TENT2: variants seen among roughly 807,000 people sequenced by gnomAD.
TENT2 encodes the protein poly(A) RNA polymerase GLD2.
TENT2 carries 44 observed loss-of-function variants against 72.2 expected under a neutral mutation model. The ratio of observed to expected loss-of-function variants is 0.61; its 90% CI spans 0.48 to 0.78. The LOEUF (loss-of-function observed/expected upper bound fraction) is 0.78, where lower values mean the gene tolerates loss of function less well. Ranked by LOEUF, TENT2 falls within the 30% of genes least tolerant of loss-of-function variation. The pLI, the probability that TENT2 is intolerant of heterozygous loss-of-function variation, is 0.00. For missense variants in TENT2, 541 were observed against 569.6 expected (o/e 0.95, Z 0.51); for synonymous variants, 212 against 192.5 (o/e 1.10, Z -0.84).
intron 12 of TENT2, among the ~76,000 whole-genome samples, chr5:79,673,338 T>C (rs1448562352): frequency 1.3e-5 from 2 of 152,176 alleles, no homozygotes; most frequent in Admixed American, 1.3e-4. Flanking sequence ...TGCCTGTGCT[T>C]GTGGAGTATT....
At chr5:79,625,892 C>T (rs1189321892) in intron 4 of TENT2, among the ~76,000 whole-genome samples, 6 of 149,748 alleles carry the variant, frequency 4.0e-5, no homozygotes, top group East Asian at 2.0e-4. Flanking sequence ...TGCAGTGGTG[C>T]GATCTCGGCT....
chr5:79,676,254 A>G (rs1817230417), intron 12 of TENT2, among the ~76,000 whole-genome samples: 1 of 151,740 alleles, frequency 6.6e-6, no homozygotes, highest in Non-Finnish European at 1.5e-5. Context: ...TATGTCGCTT[A>G]AGACAGCATT....
chr5:79,645,764 T>C (rs1314848124), intron 8 of TENT2, among the ~76,000 whole-genome samples: 1 of 152,192 alleles, frequency 6.6e-6, no homozygotes, highest in Non-Finnish European at 1.5e-5. Flanking sequence ...GATTTGTTAC[T>C]GTTTTCTAAA....
At chr5:79,626,688 C>T (rs1343414097) in intron 4 of TENT2, among the ~76,000 whole-genome samples, 1 of 150,610 alleles carries the variant, frequency 6.6e-6, no homozygotes, top group South Asian at 2.1e-4. Context: ...TCTTGAACTC[C>T]TGGCCTCAAG....
chr5:79,618,414 T>TTA (rs1554072848), intron 1 of TENT2, among the ~76,000 whole-genome samples: 3 of 151,742 alleles, frequency 2.0e-5, no homozygotes, highest in African/African-American at 7.3e-5. Flanking sequence ...TTTTTTTTTT[T>TTA]ATAGAGACAG....
rs1825989484 is a variant in TENT2 at position 79,686,248 on chromosome 5, A to G, written c.*975A>G. On this transcript the variant is annotated 3_prime_UTR_variant, in exon 15 of 15. Coordinates refer to ENST00000453514, the MANE Select transcript of TENT2 (RefSeq NM_001114394.3). ...CAAAATGTTTTAGATAAGACACAAT[A>G]AAATTATTATAAATAAAAGCTTAAT... The G allele has an allele frequency of 6.6e-6, 1 of 152,558 alleles. No individual in the cohort carries two copies. Among genetic ancestry groups the G allele is most frequent in the East Asian group, 1.9e-4 (1 of 5,198 alleles). The allele number at this position is 152,558 out of a possible 1,614,324, so 9.5% of individuals were successfully genotyped here.
intron 8 of TENT2, among the ~76,000 whole-genome samples, chr5:79,646,539 T>C (rs570607235): frequency 5.3e-4 from 81 of 152,304 alleles, no homozygotes; most frequent in Middle Eastern, 6.8e-3. Flanking sequence ...AGCCATTCCT[T>C]TATATATCTA....
intron 8 of TENT2, 94 bp downstream of exon 8, chr5:79,645,286 T>C: frequency 1.0e-6 from 1 of 955,934 alleles, no homozygotes; most frequent in Middle Eastern, 2.8e-4. Flanking sequence ...TGTTGTAGCA[T>C]TACAGTTTAT....
Position 79,679,575 on chromosome 5 carries a change from A to T in TENT2, c.1209-4A>T. ...TAACATGGTTACTGTTTTTCTTCTT[A>T]TAGCTGGAATAGTCAAATGATTTCA... On this transcript the variant is annotated splice_polypyrimidine_tract_variant and splice_region_variant and intron_variant, in intron 12 of 14. Transcript: ENST00000453514. 6.3e-7 allele frequency: 1 copy of T among 1,579,868 alleles called. No homozygotes were observed. The highest frequency in any genetic ancestry group is 1.2e-5 in the South Asian group (1 of 86,330).
At chr5:79,656,890 T>A (rs1213572582) in intron 10 of TENT2, 68 bp from the exon 11 acceptor site, 2 of 1,184,568 alleles carry the variant, frequency 1.7e-6, no homozygotes, top group Non-Finnish European at 2.5e-6. Flanking sequence ...GGGATGTAGC[T>A]GACAAATTAT....
chr5:79,634,667 A>G (rs1402019200), intron 4 of TENT2, among the ~76,000 whole-genome samples: 1 of 152,140 alleles, frequency 6.6e-6, no homozygotes, highest in Non-Finnish European at 1.5e-5. Flanking sequence ...ATTTTAGGCT[A>G]CGTATAAGTA....
chr5:79,656,930 G>A (rs375523302), intron 10 of TENT2, 28 bp from the exon 11 acceptor site: 11 of 1,575,440 alleles, frequency 7.0e-6, no homozygotes, highest in East Asian at 6.8e-5. Context: ...CGTGAATCAC[G>A]GAAGCTTTAA....
At chr5:79,662,971 T>C (rs758399736) in intron 11 of TENT2, among the ~76,000 whole-genome samples, 2 of 152,234 alleles carry the variant, frequency 1.3e-5, no homozygotes, top group Non-Finnish European at 2.9e-5. Flanking sequence ...TCATCTGTTG[T>C]TCAGTGTAGC....
At chr5:79,633,084 T>G (rs1776845032) in intron 4 of TENT2, among the ~76,000 whole-genome samples, 1 of 152,234 alleles carries the variant, frequency 6.6e-6, no homozygotes, top group Non-Finnish European at 1.5e-5. Context: ...ATGACATTTT[T>G]CTAGTTCTAT....
At chr5:79,621,430 G>T (rs901650232) in intron 3 of TENT2, among the ~76,000 whole-genome samples, 3 of 152,018 alleles carry the variant, frequency 2.0e-5, no homozygotes, top group East Asian at 1.9e-4. Flanking sequence ...TTTAGAAATT[G>T]CCTTTATAGC....
chr5:79,640,711 T>C (rs889437577), intron 4 of TENT2, 140 bp from the exon 5 acceptor site: 6 of 506,192 alleles, frequency 1.2e-5, no homozygotes, highest in Non-Finnish European at 2.1e-5. Context: ...TAATAGTAGC[T>C]TTGTTTTGGG....
rs545199003 is a variant in TENT2, at chr5:79,613,480, A to G, written c.-38+405A>G. Among the ~76,000 whole-genome samples, 330 of 152,366 alleles carry G rather than the reference A, an allele frequency of 2.2e-3. 1 individual carries two copies. The highest frequency in any genetic ancestry group is 3.8e-3 in the Non-Finnish European group (260 of 68,026). On this transcript the variant is annotated intron_variant, in intron 1 of 14. Transcript: ENST00000453514. Reference sequence around the variant, plus strand: ...TCTGTGTTTTTATATTACAGGTAACATAGTAACTTTTGTAAATATCTTCAT... The same window carrying G: ...TCTGTGTTTTTATATTACAGGTAACGTAGTAACTTTTGTAAATATCTTCAT...
chr5:79,668,191 A>G (rs1368853479), intron 11 of TENT2, among the ~76,000 whole-genome samples: 2 of 152,104 alleles, frequency 1.3e-5, no homozygotes, highest in African/African-American at 2.4e-5. Flanking sequence ...TATTCTTTCT[A>G]ATAGGCGTCT....
At chr5:79,668,376 A>G (rs910255868) in intron 11 of TENT2, among the ~76,000 whole-genome samples, 2 of 152,048 alleles carry the variant, frequency 1.3e-5, no homozygotes, top group African/African-American at 4.8e-5. Flanking sequence ...CAGAAACAAA[A>G]GAAAGCAAAA....
Sources: allele counts gnomAD v4.1 joint callset (sites outside exome capture counted in the v4.1 genomes callset), GRCh38; gene constraint gnomAD v4.1.1; transcripts MANE v1.5; gene names NCBI Gene and HGNC (gene_info 2026-07-23, HGNC 2026-07-21).